The following RIN3 variants were observed in gnomAD, a reference collection of about 807,000 sequenced individuals.
RIN3 encodes the protein RAB5 interacting protein 3.
RIN3 carries 54 observed loss-of-function variants against 76.3 expected under a neutral mutation model. The observed-to-expected ratio is 0.71, with a 90% CI of 0.57 to 0.89. The LOEUF is 0.89. RIN3 is among the 40% of genes least tolerant of loss of function. The probability of loss-of-function intolerance (pLI) is 0.00; values close to 1 mark genes in which losing one functional copy is unlikely to be tolerated. For missense variants in RIN3, 1,256 were observed against 1,322.1 expected, an observed-to-expected ratio of 0.95 and a Z score of 0.78; for synonymous variants, 576 against 564.0, an observed-to-expected ratio of 1.02 and a Z score of -0.30.
At chr14:92,580,024 G>T (rs1898385275) in intron 3 of RIN3, among the ~76,000 whole-genome samples, 1 of 152,238 alleles carries the variant, frequency 6.6e-6, no homozygotes, top group Non-Finnish European at 1.5e-5. Context: ...GCAGAAGCAG[G>T]TTACCTTTCC....
At chr14:92,543,116 C>T (rs1897163554) in intron 1 of RIN3, among the ~76,000 whole-genome samples, 1 of 152,208 alleles carries the variant, frequency 6.6e-6, no homozygotes, top group Non-Finnish European at 1.5e-5. Flanking sequence ...TTCTTGGAGA[C>T]ACCCAGCTCA....
In RIN3 at chr14:92,652,844, C is replaced by G; in HGVS notation, c.1795C>G (p.Arg599Gly). ...GTTCCACGCTTTCCTCTCCAACAAC[C>G]GCAAGCTGTACAAGAAGGTGGTGGA... ...SMFHAFLSNN[R>G]KLYKKVVELA... Residue 599 changes from arginine (R) to glycine (G), a missense_variant, in exon 6 of 10, where the codon CGC (arginine) becomes GGC (glycine). This residue lies in a region of RIN3 where 428 missense variants were observed against 521.2 expected (regional missense o/e 0.82). Transcript: ENST00000216487. This position sits in a 1 kb window ranked among gnomAD's most constrained non-coding sequence, Gnocchi z 6.4. 1 of 1,614,098 alleles carries G rather than the reference C, an allele frequency of 6.2e-7. No individual in the cohort carries two copies. The highest frequency in any genetic ancestry group is 8.5e-7 in the Non-Finnish European group (1 of 1,180,052).
chr14:92,518,664 A>T (rs970491008), intron 1 of RIN3, among the ~76,000 whole-genome samples: 15 of 152,166 alleles, frequency 9.9e-5, no homozygotes, highest in Non-Finnish European at 1.8e-4. Flanking sequence ...CCAGCCCTGG[A>T]TACTGTGTCT....
chr14:92,573,958 C>T (rs1273613173), intron 2 of RIN3, among the ~76,000 whole-genome samples: 1 of 152,188 alleles, frequency 6.6e-6, no homozygotes, highest in Non-Finnish European at 1.5e-5. Flanking sequence ...AGCCTCTGAG[C>T]GGAGAGCCAG....
At chr14:92,557,319 T>C (rs892846629) in intron 2 of RIN3, among the ~76,000 whole-genome samples, 3 of 152,176 alleles carry the variant, frequency 2.0e-5, no homozygotes, top group Non-Finnish European at 2.9e-5. Flanking sequence ...AGTGAGTAAA[T>C]AGCAGAGTGG....
chr14:92,587,520 A>G (rs1415374194), intron 3 of RIN3, among the ~76,000 whole-genome samples: 1 of 152,246 alleles, frequency 6.6e-6, no homozygotes, highest in Admixed American at 6.5e-5. Flanking sequence ...TCTAGAACAC[A>G]TGGCCTCAGA....
At chr14:92,538,362 G>C (rs1309380736) in intron 1 of RIN3, among the ~76,000 whole-genome samples, 1 of 152,192 alleles carries the variant, frequency 6.6e-6, no homozygotes, top group Non-Finnish European at 1.5e-5. Context: ...AAAATGGTTG[G>C]ATGTTGCCAG....
In RIN3 at chr14:92,514,443, G is replaced by A. The variant is rs1298796633; in HGVS notation, c.44+467G>A. ...CTAGAGCCCCGCTGGGCGTGGGGTC[G>A]GAGACCCGGACCCCCGCAACTTTGG... On this transcript the variant is annotated intron_variant, in intron 1 of 9. Coordinates refer to ENST00000216487, the MANE Select transcript of RIN3 (RefSeq NM_024832.5). The surrounding 1 kb of genome is among the most constrained non-coding windows in gnomAD (Gnocchi z 7.2). Among the ~76,000 whole-genome samples the A allele has an allele frequency of 2.6e-5, 4 of 152,212 alleles. No individual in the cohort carries two copies. Among genetic ancestry groups the A allele is most frequent in the African/African-American group, 9.6e-5 (4 of 41,464 alleles).
At chr14:92,636,234 AAGAG>A (rs1429225640) in intron 4 of RIN3, among the ~76,000 whole-genome samples, 1 of 150,242 alleles carries the variant, frequency 6.7e-6, no homozygotes, top group East Asian at 2.0e-4. Context: ...GACAGAAAGA[AAGAG>A]AGAGGGAGGG....
chr14:92,612,577 T>C (rs558303304), intron 3 of RIN3, among the ~76,000 whole-genome samples: 7 of 152,354 alleles, frequency 4.6e-5, no homozygotes, highest in African/African-American at 1.7e-4. Context: ...TCCCATGCAC[T>C]GTGCTGGATG....
At chr14:92,650,409 G>C (rs1887370012) in intron 5 of RIN3, among the ~76,000 whole-genome samples, 1 of 152,352 alleles carries the variant, frequency 6.6e-6, no homozygotes, top group African/African-American at 2.4e-5. Context: ...AAAGCAAGGA[G>C]CCCGTGGGCT....
At chr14:92,585,153 C>T (rs1884723777) in intron 3 of RIN3, among the ~76,000 whole-genome samples, 1 of 152,098 alleles carries the variant, frequency 6.6e-6, no homozygotes, top group South Asian at 2.1e-4. Context: ...GCTGGGATGA[C>T]AGGTGTGTGC....
chr14:92,684,007 C>T (rs991597867), intron 8 of RIN3, among the ~76,000 whole-genome samples: 4 of 152,170 alleles, frequency 2.6e-5, no homozygotes, highest in African/African-American at 9.7e-5. Context: ...GCCTAGTCTA[C>T]CTTAAATGTT....
intron 1 of RIN3, chr14:92,515,254 G>GGGAA: frequency 1.4e-6 from 1 of 700,348 alleles, no homozygotes; most frequent in Non-Finnish European, 2.6e-6. Flanking sequence ...GAATCCGTTG[G>GGGAA]GGAAGAGCCC....
At position 92,552,788 on chromosome 14, in the gene RIN3, T is replaced by C. The variant is rs557831769; in HGVS notation, c.45-2963T>C. 3.0e-3 allele frequency among the ~76,000 whole-genome samples: 458 copies of C among 152,226 alleles called. 2 individuals are homozygous for C. Among genetic ancestry groups the C allele is most frequent in the African/African-American group, 0.01 (434 of 41,526 alleles). ...CTTCCTCTTTGGCAGTATTACCATC[T>C]AACATCCTCTAGTCACCTATTTGCC... is the stretch of plus-strand genomic sequence containing the variant. On this transcript the variant is annotated intron_variant, in intron 1 of 9. Transcript: ENST00000216487.
intron 2 of RIN3, among the ~76,000 whole-genome samples, chr14:92,570,793 G>A (rs1008809118): frequency 1.3e-5 from 2 of 152,198 alleles, no homozygotes; most frequent in African/African-American, 4.8e-5. Flanking sequence ...TGAAGTTAAG[G>A]TTTTACTTAT....
chr14:92,577,561 C>G, intron 3 of RIN3, 84 bp downstream of exon 3: 1 of 793,526 alleles, frequency 1.3e-6, no homozygotes, highest in Non-Finnish European at 2.2e-6. Context: ...CCACAGACTC[C>G]CCTGTATGCA....
In RIN3 at chr14:92,631,391, C is replaced by A. The variant is rs1489353266; in HGVS notation, c.441-9847C>A. On this transcript the variant is annotated intron_variant, in intron 4 of 9. Coordinates refer to ENST00000216487, the MANE Select transcript of RIN3 (RefSeq NM_024832.5). ...CTGTGCTCTGTCTGCAGCCTCTGCCCCCAGAAATAAAAAAAAGACAGGTTC... is the reference window on the plus strand; with the variant it reads ...CTGTGCTCTGTCTGCAGCCTCTGCCACCAGAAATAAAAAAAAGACAGGTTC... Among the ~76,000 whole-genome samples, 5 of 152,244 alleles carry A rather than the reference C, an allele frequency of 3.3e-5. No individual in the cohort carries two copies. The East Asian group carries it at 9.6e-4, about 29-fold the overall frequency.
At chr14:92,666,984 G>C (rs1003561124) in intron 7 of RIN3, among the ~76,000 whole-genome samples, 3 of 152,122 alleles carry the variant, frequency 2.0e-5, no homozygotes, top group Non-Finnish European at 4.4e-5. Context: ...GGACGTGGGG[G>C]CCAACCGGGT....
Sources: gnomAD v4.1 joint callset for allele counts (sites outside exome capture counted in the v4.1 genomes callset) on GRCh38, gnomAD v4.1.1 for gene constraint, gnomAD v4.1.1 regional missense constraint, Gnocchi (gnomAD v3.1) non-coding constraint, MANE v1.5 for transcripts, NCBI Gene and HGNC (gene_info 2026-07-23, HGNC 2026-07-21) for gene names.